The following EXOC4 variants were observed in gnomAD, a reference collection of about 807,000 sequenced individuals.
EXOC4 encodes SEC8-like 1.
A neutral mutation model predicts 107.2 loss-of-function variants in EXOC4; 71 were observed. That is an observed-to-expected ratio of 0.66 (90% CI 0.55 to 0.81). The LOEUF (loss-of-function observed/expected upper bound fraction) is 0.81, where lower values mean the gene tolerates loss of function less well. Among genes scored for constraint, EXOC4 ranks in the 30% least tolerant of loss-of-function variants. The pLI, the probability that EXOC4 is intolerant of heterozygous loss-of-function variation, is 0.00. For missense variants in EXOC4, 1,108 were observed against 1,189.6 expected (o/e 0.93, Z 1.01); for synonymous variants, 456 against 441.2 (o/e 1.03, Z -0.42).
intron 13 of EXOC4, among the ~76,000 whole-genome samples, chr7:133,923,147 T>G (rs1799976380): frequency 6.6e-6 from 1 of 150,616 alleles, no homozygotes; most frequent in African/African-American, 2.4e-5. Context: ...TTTTTTTTTT[T>G]GAGACAGAGT....
At chr7:133,493,611 G>A (rs539969037) in intron 9 of EXOC4, among the ~76,000 whole-genome samples, 1 of 152,196 alleles carries the variant, frequency 6.6e-6, no homozygotes, top group African/African-American at 2.4e-5. Flanking sequence ...GAACAAGTAA[G>A]TTCTAGTAGT....
At chr7:133,683,983 T>C (rs566203873) in intron 10 of EXOC4, among the ~76,000 whole-genome samples, 1 of 152,282 alleles carries the variant, frequency 6.6e-6, no homozygotes, top group South Asian at 2.1e-4. Context: ...TCCAAGTTAG[T>C]TTATACATGT....
intron 7 of EXOC4, among the ~76,000 whole-genome samples, chr7:133,439,182 C>CTTTTTTTTTTTTTTTTTTTTTTTTT (rs35280420): frequency 1.1e-5 from 1 of 94,068 alleles, no homozygotes; most frequent in Non-Finnish European, 1.9e-5. Flanking sequence ...TTCATCAGTT[C>CTTTTTTTTTTTTTTTTTTTTTTTTT]TTTTTTTTTT....
intron 10 of EXOC4, among the ~76,000 whole-genome samples, chr7:133,804,196 G>A (rs1210650461): frequency 6.6e-6 from 1 of 152,180 alleles, no homozygotes; most frequent in African/African-American, 2.4e-5. Flanking sequence ...CAGGCAAAGT[G>A]TAGATGTGTG....
intron 9 of EXOC4, among the ~76,000 whole-genome samples, chr7:133,598,960 G>A (rs2150985207): frequency 6.6e-6 from 1 of 151,952 alleles, no homozygotes; most frequent in East Asian, 1.9e-4. Flanking sequence ...TTCCAGCCTG[G>A]GCGACAGAGT....
At chr7:133,637,507 G>A (rs1802741443) in intron 10 of EXOC4, among the ~76,000 whole-genome samples, 1 of 152,148 alleles carries the variant, frequency 6.6e-6, no homozygotes, top group Admixed American at 6.6e-5. Context: ...CATTTTGAAA[G>A]ATGTTAGTGA....
At chr7:133,524,706 T>C (rs983428876) in intron 9 of EXOC4, among the ~76,000 whole-genome samples, 14 of 152,126 alleles carry the variant, frequency 9.2e-5, no homozygotes, top group African/African-American at 1.7e-4. Context: ...AATCCTTTCC[T>C]CATTGCTTGT....
rs1004268029 is a variant in EXOC4, at chr7:133,818,660, C to T, written c.1734+1116C>T. Among the ~76,000 whole-genome samples the T allele has an allele frequency of 1.8e-4, 27 of 152,074 alleles. 1 individual carries two copies. ...GTTGGGTGCAGAGAAGGGGGAATGC[C>T]AAAGGAACGTGCTTGCTCTTCCTTC... On this transcript the variant is annotated intron_variant, in intron 11 of 17. Transcript: ENST00000253861.
chr7:133,616,154 T>C (rs974346454), intron 9 of EXOC4, among the ~76,000 whole-genome samples: 4 of 152,216 alleles, frequency 2.6e-5, no homozygotes, highest in Admixed American at 2.6e-4. Context: ...CCCTGGATTT[T>C]ATTATGCATA....
intron 5 of EXOC4, among the ~76,000 whole-genome samples, chr7:133,328,322 T>C (rs1795297506): frequency 6.6e-6 from 1 of 152,160 alleles, no homozygotes; most frequent in South Asian, 2.1e-4. Context: ...TATGTGTGTC[T>C]TTGCACGTGA....
chr7:133,632,828 T>C (rs1802622182), intron 10 of EXOC4, among the ~76,000 whole-genome samples: 1 of 152,200 alleles, frequency 6.6e-6, no homozygotes, highest in South Asian at 2.1e-4. Flanking sequence ...ATATGTTTTC[T>C]ATTCTTTAGA....
At chr7:133,397,323 G>A (rs1418065766) in intron 7 of EXOC4, among the ~76,000 whole-genome samples, 3 of 148,870 alleles carry the variant, frequency 2.0e-5, no homozygotes, top group African/African-American at 5.0e-5. Context: ...TAGTAGAGAA[G>A]GGGTTTCTCC....
chr7:133,777,279 AAGAGAGAGAG>A (rs151199039), intron 10 of EXOC4, among the ~76,000 whole-genome samples: 4 of 1,786 alleles, frequency 2.2e-3, no homozygotes, highest in Non-Finnish European at 0.012. Flanking sequence ...GAGAGAGAGA[AAGAGAGAGAG>A]AGAGAGAGAG....
chr7:133,935,014 G>A (rs571923995), intron 13 of EXOC4, among the ~76,000 whole-genome samples: 1 of 151,360 alleles, frequency 6.6e-6, no homozygotes, highest in African/African-American at 2.4e-5. Context: ...ACTTGAAATA[G>A]CAGTGGCTTA....
intron 5 of EXOC4, among the ~76,000 whole-genome samples, chr7:133,322,772 T>C (rs983399609): frequency 6.6e-6 from 1 of 152,212 alleles, no homozygotes; most frequent in South Asian, 2.1e-4. Context: ...AATGGTAGCT[T>C]GATGGGGATA....
At chr7:133,817,617 AAAG>A (rs1585170893) in intron 11 of EXOC4, 73 bp downstream of exon 11, 1 of 1,122,006 alleles carries the variant, frequency 8.9e-7, no homozygotes, top group East Asian at 2.5e-5. Flanking sequence ...TAAATTTAAA[AAAG>A]AAGAATTACC....
Position 133,481,849 on chromosome 7 carries a change from AG to A in EXOC4, c.1417+1714del, listed in dbSNP as rs554003515. ...AAAGGACAGAAAGGAGTGAAGGAGG[AG>A]GGTGACTCATGCTCTAGCAGGCTTT... On this transcript the variant is annotated intron_variant, in intron 9 of 17. Transcript: ENST00000253861. 3.2e-3 allele frequency among the ~76,000 whole-genome samples: 487 copies of A among 152,262 alleles called. 4 individuals are homozygous for A. The highest frequency in any genetic ancestry group is 4.6e-3 in the Non-Finnish European group (310 of 68,020).
At chr7:133,899,431 A>G (rs1479701707) in intron 12 of EXOC4, among the ~76,000 whole-genome samples, 1 of 152,224 alleles carries the variant, frequency 6.6e-6, no homozygotes, top group African/African-American at 2.4e-5. Flanking sequence ...AAGCAGACTG[A>G]TCATTGTTGA....
rs371874586 is a variant in EXOC4, at chr7:133,502,221, C to T, written c.1417+22083C>T. Among the ~76,000 whole-genome samples the T allele has an allele frequency of 5.3e-5, 8 of 149,978 alleles. 1 individual carries two copies. The highest frequency in any genetic ancestry group is 2.0e-4 in the African/African-American group (8 of 41,008). ...TTTGATTCTGAGATTGCTATTAAGA[C>T]AATGGGAAATTCAGAGGAGGGAAAG... On this transcript the variant is annotated intron_variant, in intron 9 of 17. Coordinates refer to ENST00000253861, the MANE Select transcript of EXOC4 (RefSeq NM_021807.4).
Sources: allele counts gnomAD v4.1 joint callset (sites outside exome capture counted in the v4.1 genomes callset), GRCh38; gene constraint gnomAD v4.1.1; transcripts MANE v1.5; gene names NCBI Gene and HGNC (gene_info 2026-07-23, HGNC 2026-07-21).